Variants in MEGF8 observed in about 807,000 individuals in gnomAD.
MEGF8 encodes multiple EGF like domains 8.
In MEGF8, 156 loss-of-function variants were observed where a neutral mutation model predicts 302.9. The observed-to-expected ratio is 0.52, with a 90% CI of 0.45 to 0.59. The LOEUF is 0.59. Ranked by LOEUF, MEGF8 falls within the 20% of genes least tolerant of loss-of-function variation. MEGF8 has a pLI of 0.00. For missense variants in MEGF8, 3,345 were observed against 3,964.5 expected, an observed-to-expected ratio of 0.84 and a Z score of 4.20; for synonymous variants, 1,621 against 1,660.5, an observed-to-expected ratio of 0.98 and a Z score of 0.58.
chr19:42,325,755 G>T lies in MEGF8; in HGVS notation c.-489G>T. The T allele has an allele frequency of 6.5e-6, 1 of 154,656 alleles. No homozygotes were observed. 9.6% of individuals were successfully genotyped at this position (154,656 alleles called of 1,614,324 possible). A position where few individuals can be genotyped will look rare whatever the true frequency, so the allele number is the denominator to read the frequency against. On this transcript the variant is annotated 5_prime_UTR_variant, in exon 1 of 42. Coordinates refer to ENST00000251268, the MANE Select transcript of MEGF8 (RefSeq NM_001271938.2). ...CGGGCTCCGCCCCCGGCACCCGCTC[G>T]CGCCCCGCCCCCGGCTGGAGGAGTC...
chr19:42,368,493 C>T lies in MEGF8; in HGVS notation c.6312C>T (p.Ala2104=), dbSNP rs762428598. The T allele has an allele frequency of 8.1e-6, 13 of 1,610,038 alleles. No individual in the cohort carries two copies. The highest frequency in any genetic ancestry group is 2.2e-5 in the South Asian group (2 of 90,266). ...SPSYLPLRCM[A]GGCGRLLRGP... ...CCTACCTGCCCCTGCGATGTATGGC[C>T]GGAGGCTGTGGGCGGCTGCTCCGGG... The change falls in exon 36 of 42, where the codon GCC becomes GCT. Residue 2104 remains alanine (A), a synonymous_variant. Transcript: ENST00000251268. The surrounding 1 kb of genome is among the most constrained non-coding windows in gnomAD (Gnocchi z 4.9).
Position 42,336,365 on chromosome 19 carries a change from A to C in MEGF8, c.1244+19A>C. The stretch of plus-strand genomic sequence containing the variant: ...CTGCCCGGTAAGTGACCTGTCCCAT[A>C]ACCCATGCTCCACAGGCCAGGCCCA... On this transcript the variant is annotated intron_variant, in intron 6 of 41. Transcript: ENST00000251268. This position sits in a 1 kb window ranked among gnomAD's most constrained non-coding sequence, Gnocchi z 4.8. 1 of 1,570,844 alleles carries C rather than the reference A, an allele frequency of 6.4e-7. No individual in the cohort carries two copies. Among genetic ancestry groups the C allele is most frequent in the Non-Finnish European group, 8.6e-7 (1 of 1,159,494 alleles).
Position 42,343,956 on chromosome 19 carries a change from C to A in MEGF8, c.1671C>A (p.Tyr557Ter). Reference protein sequence around the residue: ...PFVFQAPAPDYHLDYCSMYTD... With the variant: ...PFVFQAPAPD ...TCTGTCCCCTTGCCTCCCTGCAGTA[C>A]CACTTGGACTACTGCTCCATGTACA... is the stretch of plus-strand genomic sequence containing the variant. The change falls in exon 10 of 42, where the codon TAC (tyrosine) becomes TAA (stop). Residue 557 changes from tyrosine to a stop codon, truncating the protein, a stop_gained and splice_region_variant. Coordinates refer to ENST00000251268, the MANE Select transcript of MEGF8 (RefSeq NM_001271938.2). LOFTEE classifies it high-confidence loss of function. 6.2e-7 allele frequency: 1 copy of A among 1,613,466 alleles called. No homozygotes were observed. Among genetic ancestry groups the A allele is most frequent in the South Asian group, 1.1e-5 (1 of 91,064 alleles).
intron 30 of MEGF8, 66 bp downstream of exon 30, chr19:42,359,020 G>T (rs2039493691): frequency 1.3e-6 from 2 of 1,560,964 alleles, no homozygotes; most frequent in South Asian, 2.4e-5. Context: ...AAGTACAGGG[G>T]TGGCTGGAGG....
rs2039792086 is a variant in MEGF8 at position 42,378,065 on chromosome 19, TCAGAGTCTGGTTCTTGA to T, written c.*1293_*1309del. On this transcript the variant is annotated 3_prime_UTR_variant, in exon 42 of 42. Coordinates refer to ENST00000251268, the MANE Select transcript of MEGF8 (RefSeq NM_001271938.2). ...GGCAGACTGAGGCTTGTGAGGAAGA[TCAGAGTCTGGTTCTTGA>T]CATGAGATGCCCTTCAGACATCTCT... 2.0e-5 allele frequency: 3 copies of T among 152,048 alleles called. No homozygotes were observed. In the South Asian group the frequency reaches 6.2e-4, roughly 32 times the overall value. The allele number at this position is 152,048 out of a possible 1,614,324, so 9.4% of individuals were successfully genotyped here. A position where few individuals can be genotyped will look rare whatever the true frequency, so the allele number is the denominator to read the frequency against.
intron 34 of MEGF8, 41 bp from the exon 35 acceptor site, chr19:42,363,007 C>A: frequency 6.4e-7 from 1 of 1,560,130 alleles, no homozygotes; most frequent in Non-Finnish European, 8.8e-7. Context: ...GGCTTGCGAT[C>A]TCCTGGGTCT....
chr19:42,351,713 G>A lies in MEGF8; in HGVS notation c.3053G>A (p.Ser1018Asn). The A allele has an allele frequency of 1.3e-6, 2 of 1,595,716 alleles. No homozygotes were observed. Among genetic ancestry groups the A allele is most frequent in the African/African-American group, 1.3e-5 (1 of 74,614 alleles). Residue 1018 changes from serine to asparagine, a missense_variant, in exon 18 of 42, where the codon AGC (serine) becomes AAC (asparagine). Physicochemically the swap from Ser to Asn is conservative, Grantham distance 46. Transcript: ENST00000251268. The surrounding 1 kb of genome is among the most constrained non-coding windows in gnomAD (Gnocchi z 5.6). ...GFLTCHECLQ[S>N]HECGWCGNED... is the part of the protein sequence containing the mutation. Reference sequence around the variant, plus strand: ...CTGACCTGCCATGAGTGTCTGCAGAGCCACGAGTGTGGCTGGTGTGGCAAT... The same window carrying A: ...CTGACCTGCCATGAGTGTCTGCAGAACCACGAGTGTGGCTGGTGTGGCAAT...
Position 42,336,706 on chromosome 19 carries a change from G to A in MEGF8, c.1245-101G>A. On this transcript the variant is annotated intron_variant, in intron 6 of 41. Transcript: ENST00000251268. The surrounding 1 kb of genome is among the most constrained non-coding windows in gnomAD (Gnocchi z 4.8). ...TTGGAGGGGACATAGAGTCAGTCAT[G>A]GCCAGTCTCATCCCTGGGTGATCAC... The A allele has an allele frequency of 2.0e-6, 3 of 1,478,680 alleles. No individual in the cohort carries two copies. Among genetic ancestry groups the A allele is most frequent in the East Asian group, 2.3e-5 (1 of 43,618 alleles). The allele number at this position is 1,478,680 out of a possible 1,614,324, so 91.6% of individuals were successfully genotyped here. A position where few individuals can be genotyped will look rare whatever the true frequency, so the allele number is the denominator to read the frequency against.
intron 32 of MEGF8, among the ~76,000 whole-genome samples, 198 bp downstream of exon 32, chr19:42,361,204 C>T (rs2039527241): frequency 6.6e-6 from 1 of 152,194 alleles, no homozygotes; most frequent in Non-Finnish European, 1.5e-5. Context: ...AGAATGCTTG[C>T]TGGAGGAGCT....
intron 8 of MEGF8, 77 bp downstream of exon 8, chr19:42,337,283 C>T: frequency 6.3e-7 from 1 of 1,595,938 alleles, no homozygotes; most frequent in Admixed American, 1.7e-5. Flanking sequence ...CTCAAGCCAC[C>T]TCAGTCCGTA....
At chr19:42,365,407 T>G (rs2039590070) in intron 35 of MEGF8, among the ~76,000 whole-genome samples, 3 of 151,906 alleles carry the variant, frequency 2.0e-5, no homozygotes, top group Admixed American at 2.0e-4. Flanking sequence ...ATGAGCATTG[T>G]TGATGGTGTA....
chr19:42,353,496 C>T lies in MEGF8; in HGVS notation c.3582C>T (p.Cys1194=). ...DWTWGEHCER[C]RPGSFGNATG... is the part of the protein sequence containing the mutation. Reference sequence around the variant, plus strand: ...CATGGGGGGAGCACTGCGAACGATGCCGGCCCGGCAGCTTCGGCAACGCCA... The same window carrying T: ...CATGGGGGGAGCACTGCGAACGATGTCGGCCCGGCAGCTTCGGCAACGCCA... The change falls in exon 21 of 42, where the codon TGC becomes TGT. Residue 1194 remains cysteine, a synonymous_variant. Coordinates refer to ENST00000251268, the MANE Select transcript of MEGF8 (RefSeq NM_001271938.2). The surrounding 1 kb of genome is among the most constrained non-coding windows in gnomAD (Gnocchi z 6.1). The T allele has an allele frequency of 6.2e-7, 1 of 1,610,684 alleles. No homozygotes were observed.
In MEGF8 at chr19:42,352,492, C is replaced by T; in HGVS notation, c.3350+36C>T. 1 of 1,545,866 alleles carries T rather than the reference C, an allele frequency of 6.5e-7. No homozygotes were observed. Among genetic ancestry groups the T allele is most frequent in the Non-Finnish European group, 8.8e-7 (1 of 1,139,326 alleles). ...CGGGGGTTGCTATGGAGATGTTGCC[C>T]CAGGCTGGGGCACATGGAGGTGGAG... On this transcript the variant is annotated intron_variant, in intron 19 of 41. Coordinates refer to ENST00000251268, the MANE Select transcript of MEGF8 (RefSeq NM_001271938.2). The surrounding 1 kb of genome is among the most constrained non-coding windows in gnomAD (Gnocchi z 4.4).
Position 42,376,012 on chromosome 19 carries a change from T to C in MEGF8, c.7775T>C (p.Val2592Ala). ...EPSAVLVVRG[V>A]RDRLVITYPH... Reference sequence around the variant, plus strand: ...TCGGCAGTGCTGGTGGTCCGCGGCGTGCGGGACCGGCTGGTCATCACCTAC... The same window carrying C: ...TCGGCAGTGCTGGTGGTCCGCGGCGCGCGGGACCGGCTGGTCATCACCTAC... Residue 2592 changes from valine (V) to alanine (A), a missense_variant, in exon 42 of 42, where the codon GTG becomes GCG. Val to Ala is a moderately conservative substitution (Grantham distance 64). Transcript: ENST00000251268. This position sits in a 1 kb window ranked among gnomAD's most constrained non-coding sequence, Gnocchi z 8.2. 6.2e-7 allele frequency: 1 copy of C among 1,606,082 alleles called. No individual in the cohort carries two copies. The highest frequency in any genetic ancestry group is 8.5e-7 in the Non-Finnish European group (1 of 1,177,958).
Position 42,375,744 on chromosome 19 carries a change from T to C in MEGF8, c.7507T>C (p.Tyr2503His). ...CGTGACCTTCGGGGCCGTGGACCTC[T>C]ATGTCTCCACCTCCTATGACACCTT... ...LDVTFGAVDLYVSTSYDTFVV... is the reference protein window; with the variant it reads ...LDVTFGAVDLHVSTSYDTFVV... The change falls in exon 42 of 42, where the codon TAT becomes CAT. Residue 2503 changes from tyrosine to histidine, a missense_variant. Transcript: ENST00000251268. This position sits in a 1 kb window ranked among gnomAD's most constrained non-coding sequence, Gnocchi z 7.1. 6.2e-7 allele frequency: 1 copy of C among 1,612,760 alleles called. No individual in the cohort carries two copies. The highest frequency in any genetic ancestry group is 1.1e-5 in the South Asian group (1 of 90,918).
Position 42,360,766 on chromosome 19 carries a change from T to C in MEGF8, c.5489-9T>C, listed in dbSNP as rs2039519881. 2 of 1,566,264 alleles carry C rather than the reference T, an allele frequency of 1.3e-6. No individual in the cohort carries two copies. The highest frequency in any genetic ancestry group is 1.7e-6 in the Non-Finnish European group (2 of 1,155,834). On this transcript the variant is annotated splice_polypyrimidine_tract_variant and intron_variant, in intron 31 of 41. Transcript: ENST00000251268. ...TCTCTATCTGTCTGAATACACCATC[T>C]TTCCTCAGGCTCGGCCTCTGTGGGG...
At position 42,362,391 on chromosome 19, in the gene MEGF8, C is replaced by T. The variant is rs1459691011; in HGVS notation, c.5852C>T (p.Thr1951Ile). ...CCTGTCTTCCCTCACCAGGCGTCCA[C>T]CCCCCGCTGTAAGTGGTGTACCAAC... The part of the protein sequence containing the change: ...TLQPGDGEAS[T>I]PRCKWCTNCP... Residue 1951 changes from threonine to isoleucine, a missense_variant, in exon 34 of 42, where the codon ACC (threonine) becomes ATC (isoleucine). Coordinates refer to ENST00000251268, the MANE Select transcript of MEGF8 (RefSeq NM_001271938.2). 8 of 1,613,674 alleles carry T rather than the reference C, an allele frequency of 5.0e-6. No individual in the cohort carries two copies. Among genetic ancestry groups the T allele is most frequent in the African/African-American group, 1.3e-5 (1 of 74,896 alleles).
chr19:42,340,763 G>A (rs1053094555), intron 8 of MEGF8, among the ~76,000 whole-genome samples: 2 of 152,118 alleles, frequency 1.3e-5, no homozygotes, highest in African/African-American at 4.8e-5. Context: ...CACCTCCCGT[G>A]TTCAAGCTAT....
In MEGF8 at chr19:42,351,717, C is replaced by T. The variant is rs147534464; in HGVS notation, c.3057C>T (p.His1019=). 176 of 1,595,310 alleles carry T rather than the reference C, an allele frequency of 1.1e-4. 1 individual carries two copies. The East Asian group carries it at 3.4e-3, about 31-fold the overall frequency. The change falls in exon 18 of 42, where the codon CAC becomes CAT. Residue 1019 remains histidine, a synonymous_variant. Coordinates refer to ENST00000251268, the MANE Select transcript of MEGF8 (RefSeq NM_001271938.2). The surrounding 1 kb of genome is among the most constrained non-coding windows in gnomAD (Gnocchi z 5.6). ...FLTCHECLQS[H]ECGWCGNEDN... is the part of the protein sequence containing the mutation. ...CCTGCCATGAGTGTCTGCAGAGCCACGAGTGTGGCTGGTGTGGCAATGAGG... is the reference window on the plus strand; with the variant it reads ...CCTGCCATGAGTGTCTGCAGAGCCATGAGTGTGGCTGGTGTGGCAATGAGG...
Sources: gnomAD v4.1 joint callset for allele counts (sites outside exome capture counted in the v4.1 genomes callset) on GRCh38, gnomAD v4.1.1 for gene constraint, Gnocchi (gnomAD v3.1) non-coding constraint, MANE v1.5 for transcripts, NCBI Gene and HGNC (gene_info 2026-07-23, HGNC 2026-07-21) for gene names.